GPC5: variants seen among roughly 807,000 people sequenced by gnomAD.
GPC5 encodes glypican-5.
Under a neutral mutation model 53.9 loss-of-function variants are expected in GPC5, and 47 were observed. The observed-to-expected ratio is 0.87, with a 90% CI of 0.69 to 1.11. The LOEUF (loss-of-function observed/expected upper bound fraction) is 1.11. GPC5 is among the 50% of genes most tolerant of loss of function. The probability of loss-of-function intolerance (pLI) is 0.00; values close to 1 mark genes in which losing one functional copy is unlikely to be tolerated. For synonymous variants in GPC5, 286 were observed against 263.3 expected (o/e 1.09, Z -0.84); for missense variants, 748 against 713.1 (o/e 1.05, Z -0.56).
intron 1 of GPC5, among the ~76,000 whole-genome samples, chr13:91,447,198 C>T (rs1351008201): frequency 1.3e-5 from 2 of 152,200 alleles, no homozygotes; most frequent in African/African-American, 4.8e-5. Context: ...CCTCAGCAGT[C>T]TTTCCTACAC....
chr13:92,419,283 T>C (rs951521927), intron 7 of GPC5, among the ~76,000 whole-genome samples: 14 of 152,302 alleles, frequency 9.2e-5, no homozygotes, highest in Admixed American at 9.2e-4. Flanking sequence ...GTATTATTTT[T>C]TTTTTCCAGC....
intron 6 of GPC5, among the ~76,000 whole-genome samples, chr13:91,951,618 G>A (rs113333064): frequency 0.021 from 3,231 of 152,230 alleles, 102 homozygotes; most frequent in African/African-American, 0.074. Flanking sequence ...AACAGAAGAT[G>A]CTTTCAGATA....
chr13:91,741,401 TG>T (rs2036930336), intron 4 of GPC5, among the ~76,000 whole-genome samples: 1 of 152,164 alleles, frequency 6.6e-6, no homozygotes, highest in Non-Finnish European at 1.5e-5. Flanking sequence ...ATGAAAGAAA[TG>T]AGGCAGGGCA....
At chr13:92,321,420 T>C (rs945059290) in intron 7 of GPC5, among the ~76,000 whole-genome samples, 3 of 152,154 alleles carry the variant, frequency 2.0e-5, no homozygotes, top group Admixed American at 2.0e-4. Flanking sequence ...CGTGAAACCC[T>C]GTCTGTACTA....
intron 1 of GPC5, among the ~76,000 whole-genome samples, chr13:91,400,955 G>T (rs1057078956): frequency 6.6e-6 from 1 of 152,146 alleles, no homozygotes. Context: ...TGACGACAAG[G>T]AATCTTTCTT....
intron 5 of GPC5, among the ~76,000 whole-genome samples, chr13:91,826,986 T>C (rs2038586315): frequency 6.6e-6 from 1 of 151,828 alleles, no homozygotes; most frequent in Non-Finnish European, 1.5e-5. Flanking sequence ...AGAAAAAACG[T>C]AGTTAGACAA....
intron 7 of GPC5, among the ~76,000 whole-genome samples, chr13:92,330,258 G>T (rs2139234583): frequency 6.6e-6 from 1 of 152,244 alleles, no homozygotes; most frequent in South Asian, 2.1e-4. Flanking sequence ...GTTAAAGGAG[G>T]CTGCCAGTGG....
At chr13:92,458,562 T>G (rs2139406955) in intron 7 of GPC5, among the ~76,000 whole-genome samples, 1 of 152,078 alleles carries the variant, frequency 6.6e-6, no homozygotes, top group East Asian at 1.9e-4. Context: ...CCCCCCAAAG[T>G]GCTGGGATTT....
At chr13:92,395,842 T>C (rs953236223) in intron 7 of GPC5, among the ~76,000 whole-genome samples, 6 of 152,056 alleles carry the variant, frequency 3.9e-5, no homozygotes, top group African/African-American at 1.4e-4. Context: ...CTGACTTCTT[T>C]CAGGATTTTC....
intron 2 of GPC5, among the ~76,000 whole-genome samples, chr13:91,456,294 CT>C (rs888268142): frequency 4.7e-5 from 7 of 150,472 alleles, no homozygotes; most frequent in East Asian, 2.0e-4. Flanking sequence ...AGTGTATAAT[CT>C]TTTTTTTTAG....
chr13:91,872,769 G>A (rs1176110250), intron 5 of GPC5, among the ~76,000 whole-genome samples: 1 of 152,018 alleles, frequency 6.6e-6, no homozygotes. Flanking sequence ...TATATACATC[G>A]TGCTTTATCC....
intron 7 of GPC5, among the ~76,000 whole-genome samples, chr13:92,399,071 A>G (rs188066372): frequency 6.6e-6 from 1 of 152,168 alleles, no homozygotes. Flanking sequence ...ACCACCACCC[A>G]AAAGACTCTA....
intron 7 of GPC5, among the ~76,000 whole-genome samples, chr13:92,759,213 G>GC (rs1218001985): frequency 1.3e-5 from 2 of 149,094 alleles, no homozygotes; most frequent in African/African-American, 4.9e-5. Context: ...TTTCAGAATT[G>GC]CTTGGCTATT....
At chr13:92,685,608 T>A (rs1887249358) in intron 7 of GPC5, among the ~76,000 whole-genome samples, 1 of 127,272 alleles carries the variant, frequency 7.9e-6, no homozygotes, top group Non-Finnish European at 1.6e-5. Context: ...CATGTGCACA[T>A]TGTGCAGGTT....
intron 2 of GPC5, among the ~76,000 whole-genome samples, chr13:91,680,516 A>G (rs1170338622): frequency 2.0e-5 from 3 of 152,216 alleles, no homozygotes; most frequent in Non-Finnish European, 4.4e-5. Flanking sequence ...TAACTTATGA[A>G]CTAACATGTC....
intron 7 of GPC5, among the ~76,000 whole-genome samples, chr13:92,504,816 T>G (rs2138940375): frequency 6.6e-6 from 1 of 152,046 alleles, no homozygotes; most frequent in South Asian, 2.1e-4. Context: ...CTTCACAATT[T>G]ATCTAAAAAT....
At chr13:91,945,959 C>T (rs1394726474) in intron 6 of GPC5, among the ~76,000 whole-genome samples, 1 of 152,132 alleles carries the variant, frequency 6.6e-6, no homozygotes, top group African/African-American at 2.4e-5. Flanking sequence ...ATTCTTTCTC[C>T]ATCTCCCTGA....
intron 6 of GPC5, chr13:91,995,285 C>T (rs540435832): frequency 3.9e-5 from 6 of 152,122 alleles, no homozygotes; most frequent in Admixed American, 2.0e-4. Context: ...AACTTATCTT[C>T]TTTTAAATGA....
intron 2 of GPC5, among the ~76,000 whole-genome samples, chr13:91,541,804 T>A (rs1360128562): frequency 1.3e-5 from 2 of 150,478 alleles, no homozygotes; most frequent in Non-Finnish European, 1.5e-5. Flanking sequence ...GTTAATACAC[T>A]GAGAACTTCC....
Sources: allele counts gnomAD v4.1 joint callset (sites outside exome capture counted in the v4.1 genomes callset), GRCh38; gene constraint gnomAD v4.1.1; transcripts MANE v1.5; gene names NCBI Gene and HGNC (gene_info 2026-07-23, HGNC 2026-07-21).